BBIP1: variants seen among roughly 807,000 people sequenced by gnomAD.
BBIP1 encodes the protein BBSome-interacting protein 1.
A neutral mutation model predicts 8.9 loss-of-function variants in BBIP1; 6 were observed. The observed-to-expected ratio is 0.67, with a 90% CI of 0.37 to 1.33. The LOEUF (loss-of-function observed/expected upper bound fraction) is 1.33. Ranked by LOEUF, BBIP1 falls within the 40% of genes most tolerant of loss-of-function variation. The pLI, the probability that BBIP1 is intolerant of heterozygous loss-of-function variation, is 0.02. For synonymous variants in BBIP1, 32 were observed against 33.4 expected, an observed-to-expected ratio of 0.96 and a Z score of 0.14; for missense variants, 111 against 109.2, an observed-to-expected ratio of 1.02 and a Z score of -0.07.
chr10:110,917,194 ATTTTTTT>A (rs67066048), intron 2 of BBIP1, among the ~76,000 whole-genome samples: 71 of 107,978 alleles, frequency 6.6e-4, no homozygotes, highest in Middle Eastern at 4.9e-3. Context: ...CTGGATCCTG[ATTTTTTT>A]TTTTTTTTTT....
chr10:110,908,781 C>T lies in BBIP1; in HGVS notation c.38-7169G>A, dbSNP rs1219725980. 3.2e-5 allele frequency among the ~76,000 whole-genome samples: 3 copies of T among 94,250 alleles called. No individual in the cohort carries two copies. The East Asian group carries it at 7.6e-4, about 24-fold the overall frequency. The allele number at this position is 94,250 out of a possible 152,430, so 61.8% of individuals were successfully genotyped here. Reference sequence around the variant, plus strand: ...AGCACATGGTGCATTATGGGGGAGGCAAGGAATGCTTAAAAAAAAAAAAAA... The same window carrying T: ...AGCACATGGTGCATTATGGGGGAGGTAAGGAATGCTTAAAAAAAAAAAAAA... On this transcript the variant is annotated intron_variant, in intron 2 of 3. Coordinates refer to ENST00000448814, the MANE Select transcript of BBIP1 (RefSeq NM_001195305.3).
intron 2 of BBIP1, chr10:110,917,832 TA>T: frequency 3.7e-6 from 1 of 266,886 alleles, no homozygotes; most frequent in Non-Finnish European, 6.1e-6. Context: ...AGCGCTATTA[TA>T]TATATATAAC....
chr10:110,918,489 G>A (rs573082568), intron 1 of BBIP1, among the ~76,000 whole-genome samples: 1 of 152,216 alleles, frequency 6.6e-6, no homozygotes, highest in Non-Finnish European at 1.5e-5. Context: ...ATGATTTTCT[G>A]AAGTTCCCGA....
rs1002800031 is a variant in BBIP1 at position 110,916,453 on chromosome 10, T to C, written c.37+1668A>G. ...CAGAGAACGTATCTAGTGTACTAAG[T>C]GTTAAGTATAATCTTGATTTTGCAA... On this transcript the variant is annotated intron_variant, in intron 2 of 3. Coordinates refer to ENST00000448814, the MANE Select transcript of BBIP1 (RefSeq NM_001195305.3). 4.6e-5 allele frequency among the ~76,000 whole-genome samples: 7 copies of C among 152,186 alleles called. No individual in the cohort carries two copies. In the South Asian group the frequency reaches 1.4e-3, roughly 32 times the overall value.
intron 2 of BBIP1, chr10:110,917,914 C>T (rs1296275089): frequency 5.1e-6 from 3 of 587,438 alleles, no homozygotes; most frequent in South Asian, 4.2e-5. Flanking sequence ...TGGGAAGAAT[C>T]TGGAAACACA....
chr10:110,901,808 A>C, intron 2 of BBIP1, 196 bp from the exon 3 acceptor site: 2 of 562,388 alleles, frequency 3.6e-6, no homozygotes, highest in Non-Finnish European at 6.4e-6. Flanking sequence ...AACTTCCATT[A>C]GTCAGTTGTG....
At chr10:110,917,778 C>T (rs761605006) in intron 2 of BBIP1, among the ~76,000 whole-genome samples, 2 of 152,136 alleles carry the variant, frequency 1.3e-5, no homozygotes, top group Non-Finnish European at 2.9e-5. Context: ...CTGATACAAA[C>T]CATTCTATTT....
chr10:110,913,496 C>T (rs1320931504), intron 2 of BBIP1, among the ~76,000 whole-genome samples: 1 of 152,172 alleles, frequency 6.6e-6, no homozygotes, highest in Non-Finnish European at 1.5e-5. Context: ...TGAAGCAGCA[C>T]GTGCTGCCAA....
chr10:110,905,391 T>C (rs1846106094), intron 2 of BBIP1, among the ~76,000 whole-genome samples: 1 of 152,060 alleles, frequency 6.6e-6, no homozygotes, highest in South Asian at 2.1e-4. Flanking sequence ...TGAAACCCCG[T>C]CTGTATTAAA....
intron 2 of BBIP1, chr10:110,902,356 G>C (rs17832261): frequency 0.096 from 14,603 of 152,476 alleles, 951 homozygotes; most frequent in Non-Finnish European, 0.15. Flanking sequence ...CTGCTATGCT[G>C]TGTGTTCAAG....
At chr10:110,914,646 G>C (rs770301699) in intron 2 of BBIP1, among the ~76,000 whole-genome samples, 11 of 152,130 alleles carry the variant, frequency 7.2e-5, no homozygotes, top group Non-Finnish European at 1.5e-4. Context: ...ATTCTATTCT[G>C]CTTTGCTATC....
At chr10:110,918,931 G>A (rs1489123596) in intron 1 of BBIP1, 190 bp downstream of exon 1, 1 of 152,268 alleles carries the variant, frequency 6.6e-6, no homozygotes, top group Non-Finnish European at 1.5e-5. Flanking sequence ...GACCCAATTC[G>A]GAAGTGCCAA....
chr10:110,914,180 G>A (rs1032006168), intron 2 of BBIP1, among the ~76,000 whole-genome samples: 2 of 152,108 alleles, frequency 1.3e-5, no homozygotes, highest in Non-Finnish European at 2.9e-5. Context: ...GCATTGAGAT[G>A]CAAAAATACA....
intron 2 of BBIP1, among the ~76,000 whole-genome samples, chr10:110,906,304 C>A (rs76627899): frequency 0.023 from 3,438 of 152,238 alleles, 137 homozygotes; most frequent in African/African-American, 0.079. Flanking sequence ...CCGTGCCTGG[C>A]CTCATGCCTG....
At chr10:110,912,511 T>C (rs1846303000) in intron 2 of BBIP1, among the ~76,000 whole-genome samples, 1 of 152,200 alleles carries the variant, frequency 6.6e-6, no homozygotes, top group South Asian at 2.1e-4. Context: ...TCTAGCCATC[T>C]GGAAAATGTA....
rs1564689350 is a variant in BBIP1 at position 110,900,505 on chromosome 10, A to T, written c.134T>A (p.Ile45Lys). The T allele has an allele frequency of 6.5e-7, 1 of 1,532,874 alleles. No individual in the cohort carries two copies. Among genetic ancestry groups the T allele is most frequent in the Non-Finnish European group, 8.7e-7 (1 of 1,145,558 alleles). The allele number at this position is 1,532,874 out of a possible 1,614,324, so 95.0% of individuals were successfully genotyped here. A position where few individuals can be genotyped will look rare whatever the true frequency, so the allele number is the denominator to read the frequency against. The change falls in exon 4 of 4, where the codon ATA becomes AAA. Residue 45 changes from isoleucine (I) to lysine (K), a missense_variant. Physicochemically the swap from Ile to Lys is moderately radical, Grantham distance 102. Transcript: ENST00000448814. ...PKQGPLFVED[I>K]MTMVLCKPKL... ...GGGTTTACACAGCACCATTGTCATTATATCTTCCACAAACAGTGGCCCTAA... is the reference window on the plus strand; with the variant it reads ...GGGTTTACACAGCACCATTGTCATTTTATCTTCCACAAACAGTGGCCCTAA...
chr10:110,901,717 T>G, intron 2 of BBIP1, 105 bp from the exon 3 acceptor site: 1 of 811,192 alleles, frequency 1.2e-6, no homozygotes, highest in South Asian at 1.5e-5. Flanking sequence ...CTATAGAAAG[T>G]GAACTACCCT....
intron 2 of BBIP1, chr10:110,904,245 A>C (rs573032760): frequency 7.4e-5 from 11 of 148,036 alleles, no homozygotes; most frequent in African/African-American, 2.6e-4. Context: ...TTCAATAAAT[A>C]TGTGAGTTTT....
At chr10:110,918,900 C>T (rs1344015014) in intron 1 of BBIP1, 1 of 152,296 alleles carries the variant, frequency 6.6e-6, no homozygotes, top group Non-Finnish European at 1.5e-5. Context: ...GGCGGCCAGG[C>T]TATTAACACC....
Sources: allele counts gnomAD v4.1 joint callset (sites outside exome capture counted in the v4.1 genomes callset), GRCh38; gene constraint gnomAD v4.1.1; transcripts MANE v1.5; gene names NCBI Gene and HGNC (gene_info 2026-07-23, HGNC 2026-07-21).